The following MID1 variants were observed in gnomAD, a reference collection of about 807,000 sequenced individuals.
The protein encoded by MID1 is midline 1.
A neutral mutation model predicts 40.4 loss-of-function variants in MID1; 7 were observed. The observed-to-expected ratio is 0.17, with a 90% confidence interval of 0.10 to 0.33. MID1 has a LOEUF of 0.33. Ranked by LOEUF, MID1 falls within the 10% of genes least tolerant of loss-of-function variation. The pLI is 1.00. For synonymous variants in MID1, 229 were observed against 221.2 expected, an observed-to-expected ratio of 1.04 and a Z score of -0.31; for missense variants, 367 against 558.5, an observed-to-expected ratio of 0.66 and a Z score of 3.46.
At chrX:10,464,381 A>C (rs1195486321) in intron 7 of MID1, among the ~76,000 whole-genome samples, 1 of 112,072 alleles carries the variant, frequency 8.9e-6, no homozygotes, top group Admixed American at 9.4e-5. Flanking sequence ...CTAAGTTTCA[A>C]GCAATAAATA....
At chrX:10,709,892 GC>G (rs960198988) in intron 1 of MID1, among the ~76,000 whole-genome samples, 2 of 112,230 alleles carry the variant, frequency 1.8e-5, no homozygotes, top group Non-Finnish European at 3.8e-5. Flanking sequence ...GAAAAAGTCA[GC>G]AAGTCTGGAG....
chrX:10,719,159 C>T (rs1282653239), intron 1 of MID1, among the ~76,000 whole-genome samples: 1 of 111,256 alleles, frequency 9.0e-6, no homozygotes, highest in Non-Finnish European at 1.9e-5. Context: ...CCCTCTCTCA[C>T]CACTCCTATT....
chrX:10,816,910 A>G (rs1445559010), intron 1 of MID1, among the ~76,000 whole-genome samples: 2 of 111,861 alleles, frequency 1.8e-5, no homozygotes, highest in Non-Finnish European at 3.8e-5. Context: ...AAAAAGAGGC[A>G]ATGATACTCA....
intron 1 of MID1, among the ~76,000 whole-genome samples, chrX:10,668,426 T>C (rs1249073767): frequency 1.8e-5 from 2 of 112,374 alleles, no homozygotes; most frequent in Non-Finnish European, 3.8e-5. Flanking sequence ...GTTCCAATTA[T>C]GTTCCAATTT....
At chrX:10,613,732 TAGAGAG>T (rs1163813461) in intron 1 of MID1, among the ~76,000 whole-genome samples, 216 of 17,398 alleles carry the variant, frequency 0.012, 1 homozygote, top group Admixed American at 0.016. Flanking sequence ...TATATATATA[TAGAGAG>T]AGAGAGAGAG....
chrX:10,516,609 T>TGTGTGTGTGCGC (rs1491262374), intron 3 of MID1, among the ~76,000 whole-genome samples: 1 of 50,373 alleles, frequency 2.0e-5, no homozygotes, highest in African/African-American at 1.0e-4. Flanking sequence ...TGTGTGTGTG[T>TGTGTGTGTGCGC]GCGCGCGCGC....
intron 1 of MID1, among the ~76,000 whole-genome samples, chrX:10,609,629 C>T (rs151246992): frequency 0.039 from 4,288 of 109,485 alleles, 80 homozygotes; most frequent in African/African-American, 0.068. Flanking sequence ...GAGTGATTCT[C>T]TTACTAAATA....
At chrX:10,633,625 A>C (rs1190460757) in intron 1 of MID1, among the ~76,000 whole-genome samples, 2 of 109,342 alleles carry the variant, frequency 1.8e-5, no homozygotes, top group African/African-American at 6.7e-5. Flanking sequence ...CTAATTTTTA[A>C]ATTTTTTTTG....
At chrX:10,561,752 G>A (rs1186780735) in intron 2 of MID1, among the ~76,000 whole-genome samples, 1 of 107,133 alleles carries the variant, frequency 9.3e-6, no homozygotes, top group Non-Finnish European at 1.9e-5. Flanking sequence ...GGAGAAATAG[G>A]AATGTTTTTA....
intron 4 of MID1, among the ~76,000 whole-genome samples, chrX:10,493,560 A>G (rs1931069307): frequency 8.9e-6 from 1 of 111,980 alleles, no homozygotes; most frequent in African/African-American, 3.3e-5. Flanking sequence ...GAGGAAGAGG[A>G]AGTGCTTTTT....
intron 1 of MID1, among the ~76,000 whole-genome samples, chrX:10,608,556 G>A (rs182292142): frequency 8.9e-5 from 10 of 112,069 alleles, no homozygotes; most frequent in Non-Finnish European, 1.5e-4. Context: ...GAGAACAGAT[G>A]ATTACTGGTT....
chrX:10,786,428 C>G (rs756272846), intron 1 of MID1, among the ~76,000 whole-genome samples: 43 of 110,828 alleles, frequency 3.9e-4, no homozygotes, highest in South Asian at 2.7e-3. Flanking sequence ...CAGGGATCTA[C>G]AACTAGAAAT....
rs1020241688 is a variant in MID1 at position 10,791,999 on chromosome X, G to T, written c.-187+41555C>A. Reference sequence around the variant, plus strand: ...CTGTGAGCGGCCCCAGCCCAGAGAAGCCAGGATGAGACACAAATCATTCTG... The same window carrying T: ...CTGTGAGCGGCCCCAGCCCAGAGAATCCAGGATGAGACACAAATCATTCTG... On this transcript the variant is annotated intron_variant, in intron 1 of 10. Coordinates refer to the MID1 transcript ENST00000380785. 1.1e-4 allele frequency among the ~76,000 whole-genome samples: 12 copies of T among 111,549 alleles called. No homozygotes were observed. In the Admixed American group the frequency reaches 1.1e-3, roughly 11 times the overall value.
chrX:10,556,151 T>A (rs1242694691), intron 2 of MID1, among the ~76,000 whole-genome samples: 2 of 111,361 alleles, frequency 1.8e-5, no homozygotes, highest in Middle Eastern at 4.7e-3. Flanking sequence ...CTAGGCTTAC[T>A]GTGTATCATG....
intron 1 of MID1, among the ~76,000 whole-genome samples, chrX:10,757,660 T>C (rs2043641185): frequency 8.9e-6 from 1 of 112,307 alleles, no homozygotes; most frequent in Non-Finnish European, 1.9e-5. Flanking sequence ...ACTTTACATC[T>C]GAACTCTTAC....
intron 1 of MID1, among the ~76,000 whole-genome samples, chrX:10,750,697 A>T (rs1334019163): frequency 9.0e-6 from 1 of 111,248 alleles, no homozygotes; most frequent in East Asian, 2.8e-4. Flanking sequence ...CAATATCAGG[A>T]TGTGGTTGCT....
chrX:10,574,721 C>A (rs1934826102), intron 1 of MID1, among the ~76,000 whole-genome samples: 1 of 112,512 alleles, frequency 8.9e-6, no homozygotes, highest in African/African-American at 3.2e-5. Flanking sequence ...TCTATCAATT[C>A]TATCAATAAT....
chrX:10,534,327 T>C (rs1260408827), intron 2 of MID1, among the ~76,000 whole-genome samples: 1 of 112,318 alleles, frequency 8.9e-6, no homozygotes, highest in African/African-American at 3.2e-5. Context: ...AGTCTCATAG[T>C]GGATGCTTAG....
intron 1 of MID1, among the ~76,000 whole-genome samples, chrX:10,604,303 G>A (rs1247480328): frequency 1.8e-5 from 2 of 111,561 alleles, no homozygotes; most frequent in Non-Finnish European, 3.8e-5. Context: ...TGAACTTGCT[G>A]GATCATTAGA....
Sources: allele counts gnomAD v4.1 joint callset (sites outside exome capture counted in the v4.1 genomes callset), GRCh38; gene constraint gnomAD v4.1.1; transcripts MANE v1.5; gene names NCBI Gene and HGNC (gene_info 2026-07-23, HGNC 2026-07-21).